TENM4: variants seen among roughly 807,000 people sequenced by gnomAD.
TENM4 encodes the protein teneurin transmembrane protein 4.
A neutral mutation model predicts 243.3 loss-of-function variants in TENM4; 82 were observed. That is an observed-to-expected ratio of 0.34 (90% CI 0.28 to 0.40). TENM4 has a LOEUF of 0.40. TENM4 is among the 10% of genes least tolerant of loss of function. TENM4 has a pLI of 1.00. For synonymous variants in TENM4, 1,412 were observed against 1,456.3 expected, an observed-to-expected ratio of 0.97 and a Z score of 0.69; for missense variants, 3,138 against 3,673.3, an observed-to-expected ratio of 0.85 and a Z score of 3.77.
chr11:79,187,209 C>T (rs68089538), intron 3 of TENM4, among the ~76,000 whole-genome samples: 4,417 of 152,232 alleles, frequency 0.029, 87 homozygotes, highest in Non-Finnish European at 0.04. Context: ...GACTATGAGA[C>T]GGGTTCAAGA....
At chr11:79,418,572 A>G (rs12273727) in intron 1 of TENM4, among the ~76,000 whole-genome samples, 26,352 of 152,026 alleles carry the variant, frequency 0.17, 2,414 homozygotes, top group African/African-American at 0.2. Context: ...CTCTAGCCCT[A>G]CTGAAACATG....
At chr11:78,951,985 C>T (rs1857116756) in intron 6 of TENM4, among the ~76,000 whole-genome samples, 1 of 152,202 alleles carries the variant, frequency 6.6e-6, no homozygotes, top group Non-Finnish European at 1.5e-5. Flanking sequence ...GTTTGCATTA[C>T]ACCTCTGTAG....
Position 78,812,080 on chromosome 11 carries a change from A to G in TENM4, c.1978+42T>C, listed in dbSNP as rs553153308. On this transcript the variant is annotated intron_variant, in intron 14 of 33. Coordinates refer to ENST00000278550, the MANE Select transcript of TENM4 (RefSeq NM_001098816.3). ...CTCTTGGCACTATATGCCAGCCTCT[A>G]TCTCAGAGGAAGGTGCCGGAGCTGC... The G allele has an allele frequency of 9.0e-5, 139 of 1,536,090 alleles. No homozygotes were observed. In the African/African-American group the frequency reaches 1.5e-3, roughly 17 times the overall value.
chr11:79,301,770 T>TA (rs572800222), intron 1 of TENM4, among the ~76,000 whole-genome samples: 217 of 152,238 alleles, frequency 1.4e-3, no homozygotes, highest in African/African-American at 5.0e-3. Context: ...TGATAACGAG[T>TA]GAGTTCTCTT....
chr11:79,025,065 A>T (rs954022545), intron 6 of TENM4, among the ~76,000 whole-genome samples: 4 of 152,178 alleles, frequency 2.6e-5, no homozygotes, highest in African/African-American at 9.6e-5. Context: ...GAACCCCTGG[A>T]GGATGCCAGG....
chr11:79,280,985 T>C (rs891146643), intron 2 of TENM4, among the ~76,000 whole-genome samples: 1 of 152,330 alleles, frequency 6.6e-6, no homozygotes, highest in African/African-American at 2.4e-5. Flanking sequence ...AGTCAATTTG[T>C]TTTTCCACTG....
chr11:78,736,475 T>TGCGC (rs1481703754), intron 20 of TENM4, among the ~76,000 whole-genome samples: 6 of 131,570 alleles, frequency 4.6e-5, no homozygotes, highest in African/African-American at 1.9e-4. Context: ...TGTGTGTGTG[T>TGCGC]GTGTGCGCGC....
At chr11:78,778,272 T>C (rs1856775241) in intron 17 of TENM4, among the ~76,000 whole-genome samples, 1 of 115,114 alleles carries the variant, frequency 8.7e-6, no homozygotes, top group African/African-American at 3.6e-5. Context: ...CCATAACAGA[T>C]GGGCAGGGTG....
At chr11:79,368,131 G>A (rs534784812) in intron 1 of TENM4, among the ~76,000 whole-genome samples, 1 of 152,262 alleles carries the variant, frequency 6.6e-6, no homozygotes, top group East Asian at 1.9e-4. Flanking sequence ...GACTCCTCCA[G>A]GGCAGGACTG....
At chr11:79,156,312 T>C (rs1487872401) in intron 3 of TENM4, among the ~76,000 whole-genome samples, 1 of 152,026 alleles carries the variant, frequency 6.6e-6, no homozygotes, top group African/African-American at 2.4e-5. Flanking sequence ...CATGGAAGAG[T>C]GATGTGCGAG....
chr11:78,809,604 G>C (rs1857455853), intron 14 of TENM4, among the ~76,000 whole-genome samples: 1 of 152,198 alleles, frequency 6.6e-6, no homozygotes, highest in African/African-American at 2.4e-5. Context: ...ATTTCCCAAG[G>C]AGCTGTGTGT....
intron 18 of TENM4, among the ~76,000 whole-genome samples, chr11:78,761,128 A>G (rs1275830247): frequency 2.6e-5 from 4 of 151,908 alleles, no homozygotes; most frequent in Non-Finnish European, 5.9e-5. Flanking sequence ...ATTCTAGCTC[A>G]TGGTCAATCA....
At chr11:79,402,153 G>A in intron 1 of TENM4, 1 of 327,642 alleles carries the variant, frequency 3.1e-6, no homozygotes, top group Non-Finnish European at 7.4e-6. Flanking sequence ...TGGGGGTTAG[G>A]TTTCTGAAAA....
At chr11:79,112,431 A>G (rs1228149744) in intron 4 of TENM4, among the ~76,000 whole-genome samples, 1 of 152,102 alleles carries the variant, frequency 6.6e-6, no homozygotes, top group African/African-American at 2.4e-5. Context: ...TTCACTGCTC[A>G]AGCACACAGC....
intron 22 of TENM4, among the ~76,000 whole-genome samples, chr11:78,727,472 A>C (rs970760625): frequency 3.9e-5 from 6 of 152,008 alleles, no homozygotes; most frequent in Non-Finnish European, 5.9e-5. Flanking sequence ...AAAAAAGAAA[A>C]CTAGTTGTAT....
intron 6 of TENM4, chr11:79,021,894 C>T (rs1323108442): frequency 2.0e-5 from 3 of 152,206 alleles, no homozygotes; most frequent in Non-Finnish European, 2.9e-5. Flanking sequence ...GTACAAATCA[C>T]CTTCAGAAGA....
At chr11:78,903,618 G>A in intron 6 of TENM4, 95 bp from the exon 7 acceptor site, 1 of 1,516,272 alleles carries the variant, frequency 6.6e-7, no homozygotes, top group South Asian at 1.2e-5. Flanking sequence ...CCACAGAAGA[G>A]GGAGCCGGCA....
At chr11:79,049,741 C>T (rs1479888154) in intron 6 of TENM4, among the ~76,000 whole-genome samples, 1 of 152,172 alleles carries the variant, frequency 6.6e-6, no homozygotes, top group Non-Finnish European at 1.5e-5. Context: ...AGGCAGAGGG[C>T]ACCTATGTGA....
intron 6 of TENM4, among the ~76,000 whole-genome samples, chr11:79,009,896 C>A (rs577192081): frequency 1.3e-5 from 2 of 152,238 alleles, no homozygotes; most frequent in East Asian, 1.9e-4. Context: ...TGGGAGGGAC[C>A]CTGTGGGAGG....
Sources: allele counts gnomAD v4.1 joint callset (sites outside exome capture counted in the v4.1 genomes callset), GRCh38; gene constraint gnomAD v4.1.1; transcripts MANE v1.5; gene names NCBI Gene and HGNC (gene_info 2026-07-23, HGNC 2026-07-21).